Variants in OR7A10 observed in about 807,000 individuals in gnomAD.
OR7A10 encodes olfactory receptor family 7 subfamily A member 10.
For missense variants in OR7A10, 358 were observed against 370.1 expected, an observed-to-expected ratio of 0.97 and a Z score of 0.27; for synonymous variants, 144 against 144.5, an observed-to-expected ratio of 1.00 and a Z score of 0.02.
intron 1 of OR7A10, among the ~76,000 whole-genome samples, chr19:14,845,930 C>T (rs545705334): frequency 6.6e-5 from 10 of 152,180 alleles, no homozygotes; most frequent in African/African-American, 2.2e-4. Flanking sequence ...CCGAAGCGAG[C>T]GGATCAGGAG....
At chr19:14,845,098 C>CAA (rs1555697199) in intron 1 of OR7A10, among the ~76,000 whole-genome samples, 14 of 151,080 alleles carry the variant, frequency 9.3e-5, no homozygotes, top group African/African-American at 3.2e-4. Flanking sequence ...CACACACACA[C>CAA]AATGCATACA....
At chr19:14,844,366 T>C (rs1016284341) in intron 1 of OR7A10, among the ~76,000 whole-genome samples, 8 of 152,128 alleles carry the variant, frequency 5.3e-5, no homozygotes, top group Middle Eastern at 6.8e-3. Flanking sequence ...CCTGCAGAAG[T>C]GTGTGCCAGG....
chr19:14,847,073 G>GA (rs1235155633), intron 1 of OR7A10, among the ~76,000 whole-genome samples: 1 of 152,036 alleles, frequency 6.6e-6, no homozygotes, highest in African/African-American at 2.4e-5. Flanking sequence ...AAACAGCTAA[G>GA]AAAAAAGTAC....
chr19:14,845,522 T>C (rs2044938487), intron 1 of OR7A10, among the ~76,000 whole-genome samples: 1 of 151,926 alleles, frequency 6.6e-6, no homozygotes, highest in Non-Finnish European at 1.5e-5. Context: ...TGAATTTTGC[T>C]TAAACCAAGC....
intron 1 of OR7A10, 115 bp from the exon 2 acceptor site, chr19:14,842,004 T>A (rs1431534388): frequency 4.6e-6 from 3 of 647,484 alleles, no homozygotes; most frequent in East Asian, 5.6e-5. Context: ...AGTTAATATC[T>A]TTTTCTTAAA....
chr19:14,844,664 G>GTGTTTTTTTTTTTTTTT, intron 1 of OR7A10, among the ~76,000 whole-genome samples: 1 of 97,660 alleles, frequency 1.0e-5, no homozygotes, highest in Non-Finnish European at 2.0e-5. Context: ...TGAGTTCTGT[G>GTGTTTTTTTTTTTTTTT]TTTTTTTTTT....
Position 14,840,926 on chromosome 19 carries a change from C to T in OR7A10, c.*22G>A. 1 of 1,549,470 alleles carries T rather than the reference C, an allele frequency of 6.5e-7. No homozygotes were observed. Among genetic ancestry groups the T allele is most frequent in the South Asian group, 1.2e-5 (1 of 83,276 alleles). ...GGGCTTAGAGCTCTGAAGTCACAGG[C>T]CTTTCTTGAAAAATAGCCTTTCTAT... On this transcript the variant is annotated 3_prime_UTR_variant, in exon 2 of 2. Transcript: ENST00000641129.
intron 1 of OR7A10, among the ~76,000 whole-genome samples, chr19:14,846,568 C>T (rs8113069): frequency 6.6e-6 from 1 of 150,918 alleles, no homozygotes; most frequent in Non-Finnish European, 1.5e-5. Context: ...AAATTATCTG[C>T]GTGTGGTGGT....
Position 14,840,881 on chromosome 19 carries a change from A to C in OR7A10, c.*67T>G. 8.6e-7 allele frequency: 1 copy of C among 1,161,524 alleles called. No homozygotes were observed. The highest frequency in any genetic ancestry group is 1.2e-6 in the Non-Finnish European group (1 of 811,672). The allele number at this position is 1,161,524 out of a possible 1,614,324, so 72.0% of individuals were successfully genotyped here. Reference sequence around the variant, plus strand: ...TCTTCCTTCCACCATCTTATTAACAAATCACCATTTCTGGCTCTGGGGCTT... The same window carrying C: ...TCTTCCTTCCACCATCTTATTAACACATCACCATTTCTGGCTCTGGGGCTT... On this transcript the variant is annotated 3_prime_UTR_variant, in exon 2 of 2. Coordinates refer to ENST00000641129, the MANE Select transcript of OR7A10 (RefSeq NM_001005190.2).
At chr19:14,842,037 T>A in intron 1 of OR7A10, 148 bp from the exon 2 acceptor site, 1 of 605,080 alleles carries the variant, frequency 1.7e-6, no homozygotes. Flanking sequence ...AGTTGACAGA[T>A]AAAATTATAT....
In OR7A10 at chr19:14,841,388, AC is replaced by A; in HGVS notation, c.489del (p.Leu164CysfsTer34). 5 of 1,614,180 alleles carry A rather than the reference AC, an allele frequency of 3.1e-6. No homozygotes were observed. Among genetic ancestry groups the A allele is most frequent in the Non-Finnish European group, 4.2e-6 (5 of 1,180,036 alleles). On this transcript the variant is annotated frameshift_variant, in exon 2 of 2. Transcript: ENST00000641129. LOFTEE classifies it low-confidence loss of function (END_TRUNC). ...ATGTGTGTACAAAAGGGCAGTGGCA[AC>A]ACCATTAAGCTTTGTAACATGGAAT... Reference protein sequence around the residue: ...VLNSMLQSLMVLPLPFCTHME... With the variant: ...VLNSMLQSLMXLPLPFCTHME...
In OR7A10 at chr19:14,841,584, G is replaced by A; in HGVS notation, c.294C>T (p.Ile98=). The change falls in exon 2 of 2, where the codon ATC becomes ATT. Residue 98 remains isoleucine, a synonymous_variant. Transcript: ENST00000641129. ...AGAGTAAGAAAAAGCACATCTGGGT[G>A]ATGCAGCCTGCATAGGTGATGACTT... is the stretch of plus-strand genomic sequence containing the variant. ...HNKVITYAGC[I]TQMCFFLLFV... The A allele has an allele frequency of 6.2e-6, 10 of 1,614,196 alleles. No individual in the cohort carries two copies. The highest frequency in any genetic ancestry group is 8.5e-6 in the Non-Finnish European group (10 of 1,180,046).
rs768763467 is a variant in OR7A10, at chr19:14,841,597, T to TGGGTG, written c.280_281insCACCC (p.Tyr94SerfsTer17). 2 of 1,614,184 alleles carry TGGGTG rather than the reference T, an allele frequency of 1.2e-6. No individual in the cohort carries two copies. Among genetic ancestry groups the TGGGTG allele is most frequent in the Non-Finnish European group, 1.7e-6 (2 of 1,180,044 alleles). ...GCACATCTGGGTGATGCAGCCTGCATAGGTGATGACTTTGTTGTGTGTCTG... is the reference window on the plus strand; with the variant it reads ...GCACATCTGGGTGATGCAGCCTGCATGGGTGAGGTGATGACTTTGTTGTGTGTCTG... On this transcript the variant is annotated frameshift_variant, in exon 2 of 2. Coordinates refer to ENST00000641129, the MANE Select transcript of OR7A10 (RefSeq NM_001005190.2). LOFTEE classifies it low-confidence loss of function (END_TRUNC).
chr19:14,847,521 A>AT lies in OR7A10; in HGVS notation c.-13+978dup, dbSNP rs1168333603. Among the ~76,000 whole-genome samples, 7 of 151,688 alleles carry AT rather than the reference A, an allele frequency of 4.6e-5. 1 individual carries two copies. Among genetic ancestry groups the AT allele is most frequent in the South Asian group, 4.2e-4 (2 of 4,806 alleles). Reference sequence around the variant, plus strand: ...TGCCCTTCTATTTTTATTTATTTTTATTTTTTTGAGATGGAGTCTCGCTCT... The same window carrying AT: ...TGCCCTTCTATTTTTATTTATTTTTATTTTTTTTGAGATGGAGTCTCGCTCT... On this transcript the variant is annotated intron_variant, in intron 1 of 1. Coordinates refer to ENST00000641129, the MANE Select transcript of OR7A10 (RefSeq NM_001005190.2).
At chr19:14,842,353 C>A (rs535327012) in intron 1 of OR7A10, among the ~76,000 whole-genome samples, 1 of 152,166 alleles carries the variant, frequency 6.6e-6, no homozygotes, top group Non-Finnish European at 1.5e-5. Context: ...TTTGTTCAAG[C>A]GAATCTTGTG....
Position 14,848,679 on chromosome 19 carries a change from A to G in OR7A10, c.-192T>C, listed in dbSNP as rs1023152489. On this transcript the variant is annotated 5_prime_UTR_variant, in exon 1 of 2. Transcript: ENST00000641129. ...AAACAAGGATGTCCCATCCAGCCCA[A>G]GGTTGCATATGCTGAGGGACACCTG... 6.6e-6 allele frequency: 1 copy of G among 152,250 alleles called. No individual in the cohort carries two copies. Among genetic ancestry groups the G allele is most frequent in the Non-Finnish European group, 1.5e-5 (1 of 68,062 alleles). The allele number at this position is 152,250 out of a possible 1,614,324, so 9.4% of individuals were successfully genotyped here.
rs2044908584 is a variant in OR7A10 at position 14,841,103 on chromosome 19, A to G, written c.775T>C (p.Tyr259His). The G allele has an allele frequency of 6.2e-7, 1 of 1,614,014 alleles. No homozygotes were observed. Residue 259 changes from tyrosine (Y) to histidine (H), a missense_variant, in exon 2 of 2, where the codon TAC (tyrosine) becomes CAC (histidine). By Grantham distance (83) the Tyr-to-His change is moderately conservative. Transcript: ENST00000641129. ...TTGTGGGTGGCAGCAGAACTAAGGT[A>G]CACCCCTAAGCATGTACCATAAAAT... Reference protein sequence around the residue: ...SLFYGTCLGVYLSSAATHNSH... With the variant: ...SLFYGTCLGVHLSSAATHNSH...
intron 1 of OR7A10, among the ~76,000 whole-genome samples, chr19:14,843,846 A>G (rs544795372): frequency 1.1e-4 from 17 of 152,302 alleles, no homozygotes; most frequent in Middle Eastern, 6.8e-3. Flanking sequence ...CTCACTTATA[A>G]GTGGGAGTCG....
chr19:14,845,290 C>T (rs1052446482), intron 1 of OR7A10, among the ~76,000 whole-genome samples: 1 of 151,510 alleles, frequency 6.6e-6, no homozygotes, highest in Non-Finnish European at 1.5e-5. Flanking sequence ...GCCTGACCAA[C>T]ATGGTGACAC....
Sources: allele counts gnomAD v4.1 joint callset (sites outside exome capture counted in the v4.1 genomes callset), GRCh38; gene constraint gnomAD v4.1.1; transcripts MANE v1.5; gene names NCBI Gene and HGNC (gene_info 2026-07-23, HGNC 2026-07-21).